MACROD2: variants seen among roughly 807,000 people sequenced by gnomAD.
MACROD2 encodes mono-ADP ribosylhydrolase 2, also known as ADP-ribose glycohydrolase MACROD2.
MACROD2 carries 36 observed loss-of-function variants against 70.4 expected under a neutral mutation model. The observed-to-expected ratio is 0.51, with a 90% confidence interval of 0.39 to 0.68. MACROD2 has a LOEUF of 0.68. MACROD2 is among the 30% of genes least tolerant of loss of function. The probability of loss-of-function intolerance (pLI) is 0.00; values close to 1 mark genes in which losing one functional copy is unlikely to be tolerated. For missense variants in MACROD2, 496 were observed against 538.4 expected, an observed-to-expected ratio of 0.92 and a Z score of 0.78; for synonymous variants, 172 against 178.8, an observed-to-expected ratio of 0.96 and a Z score of 0.30.
chr20:15,449,050 G>T (rs1197592821), intron 7 of MACROD2, among the ~76,000 whole-genome samples: 4 of 152,028 alleles, frequency 2.6e-5, no homozygotes, highest in Non-Finnish European at 5.9e-5. Context: ...ACCCTTTGAG[G>T]TACTAATTGA....
chr20:15,674,590 C>A (rs756811481), intron 8 of MACROD2, among the ~76,000 whole-genome samples: 25 of 152,062 alleles, frequency 1.6e-4, no homozygotes, highest in Non-Finnish European at 2.9e-4. Flanking sequence ...ATCATTAACA[C>A]CTTGAGTTGA....
intron 6 of MACROD2, among the ~76,000 whole-genome samples, chr20:15,346,823 G>C (rs891737850): frequency 6.6e-6 from 1 of 152,178 alleles, no homozygotes; most frequent in African/African-American, 2.4e-5. Context: ...ACCAACCACG[G>C]TGAAGTCCAG....
intron 5 of MACROD2, among the ~76,000 whole-genome samples, chr20:14,696,361 T>C (rs538350850): frequency 6.6e-6 from 1 of 152,316 alleles, no homozygotes; most frequent in South Asian, 2.1e-4. Context: ...TTTTTACTGA[T>C]AAGAATTACT....
intron 6 of MACROD2, among the ~76,000 whole-genome samples, chr20:15,327,727 G>T (rs2077946749): frequency 6.6e-6 from 1 of 152,000 alleles, no homozygotes; most frequent in South Asian, 2.1e-4. Flanking sequence ...CCCTACTTCT[G>T]CTGTTTTCTC....
At chr20:16,025,116 G>A (rs1480066656) in intron 15 of MACROD2, among the ~76,000 whole-genome samples, 1 of 152,214 alleles carries the variant, frequency 6.6e-6, no homozygotes, top group Non-Finnish European at 1.5e-5. Context: ...GTCTTTGCCT[G>A]AAAGGAAAAT....
intron 15 of MACROD2, among the ~76,000 whole-genome samples, chr20:15,997,754 C>G (rs965624791): frequency 2.6e-5 from 4 of 152,078 alleles, no homozygotes; most frequent in South Asian, 2.1e-4. Context: ...GTAGGGGCAT[C>G]TTTGTCTTGT....
chr20:14,621,737 A>T (rs1201176490), intron 4 of MACROD2: 1 of 152,152 alleles, frequency 6.6e-6, no homozygotes, highest in Non-Finnish European at 1.5e-5. Context: ...TAAAACCCCA[A>T]TCCAAATTAA....
chr20:15,164,229 G>A (rs1043692327), intron 5 of MACROD2, among the ~76,000 whole-genome samples: 9 of 151,910 alleles, frequency 5.9e-5, no homozygotes, highest in Non-Finnish European at 1.2e-4. Context: ...TAAAAATACA[G>A]CATAACAGCT....
Position 15,229,959 on chromosome 20 carries a change from G to T in MACROD2, c.438G>T (p.Gly146=), listed in dbSNP as rs1181386739. 6.2e-7 allele frequency: 1 copy of T among 1,613,338 alleles called. No homozygotes were observed. Among genetic ancestry groups the T allele is most frequent in the African/African-American group, 1.3e-5 (1 of 74,876 alleles). ...TTACAGATGTCATCCATACTGTAGGGCCAATAGCCAGGGGCCATATTAATG... is the reference window on the plus strand; with the variant it reads ...TTACAGATGTCATCCATACTGTAGGTCCAATAGCCAGGGGCCATATTAATG... The part of the protein sequence containing the change: ...LPAKYVIHTV[G]PIARGHINGS... Residue 146 remains glycine, a synonymous_variant, in exon 6 of 18, where the codon GGG becomes GGT. Coordinates refer to ENST00000684519, the MANE Select transcript of MACROD2 (RefSeq NM_001351661.2).
rs11475740 is a variant in MACROD2, at chr20:14,382,060, A to ATTTTT, written c.272-111404_272-111400dup. 1.1e-4 allele frequency among the ~76,000 whole-genome samples: 14 copies of ATTTTT among 122,496 alleles called. 1 individual carries two copies. The highest frequency in any genetic ancestry group is 4.3e-4 in the African/African-American group (14 of 32,752). 80.4% of individuals were successfully genotyped at this position (122,496 alleles called of 152,430 possible). On this transcript the variant is annotated intron_variant, in intron 3 of 17. Coordinates refer to ENST00000684519, the MANE Select transcript of MACROD2 (RefSeq NM_001351661.2). Reference sequence around the variant, plus strand: ...TACCACATATACTATAATGGGATTGATTTTTTTTTTTTTTTTTTTGAGATG... The same window carrying ATTTTT: ...TACCACATATACTATAATGGGATTGATTTTTTTTTTTTTTTTTTTTTTTTGAGATG...
At chr20:15,323,220 T>G (rs925862735) in intron 6 of MACROD2, among the ~76,000 whole-genome samples, 8 of 152,200 alleles carry the variant, frequency 5.3e-5, no homozygotes, top group Admixed American at 1.3e-4. Context: ...TGGGAATTGT[T>G]ATTCTTCACC....
At chr20:14,698,767 T>C (rs1401985295) in intron 5 of MACROD2, among the ~76,000 whole-genome samples, 1 of 149,428 alleles carries the variant, frequency 6.7e-6, no homozygotes, top group Non-Finnish European at 1.5e-5. Flanking sequence ...TAATTAAATG[T>C]AATTATTTAA....
At chr20:15,691,357 T>G (rs573096042) in intron 8 of MACROD2, among the ~76,000 whole-genome samples, 64 of 152,316 alleles carry the variant, frequency 4.2e-4, no homozygotes, top group Non-Finnish European at 6.5e-4. Flanking sequence ...CACCCACTAA[T>G]TTATTTTTTC....
chr20:16,039,391 T>C (rs1228192299), intron 15 of MACROD2, among the ~76,000 whole-genome samples: 1 of 151,976 alleles, frequency 6.6e-6, no homozygotes, highest in Non-Finnish European at 1.5e-5. Context: ...TTGTCCATTT[T>C]CCTATTAAGT....
intron 5 of MACROD2, among the ~76,000 whole-genome samples, chr20:15,199,364 C>A (rs1369950234): frequency 1.3e-5 from 2 of 151,904 alleles, no homozygotes; most frequent in African/African-American, 4.8e-5. Context: ...CTCAAAAAAA[C>A]AAAAAACAAA....
chr20:14,853,836 T>C (rs750531104), intron 5 of MACROD2, among the ~76,000 whole-genome samples: 2 of 152,078 alleles, frequency 1.3e-5, no homozygotes, highest in South Asian at 2.1e-4. Flanking sequence ...TGTTTTGTTT[T>C]GGTGCTGGAA....
chr20:14,257,076 A>C (rs1195685891), intron 3 of MACROD2, among the ~76,000 whole-genome samples: 2 of 152,188 alleles, frequency 1.3e-5, no homozygotes, highest in African/African-American at 4.8e-5. Context: ...GTCACCAAAA[A>C]CAAAATAAAA....
chr20:14,568,603 T>A (rs1979965172), intron 4 of MACROD2, among the ~76,000 whole-genome samples: 1 of 152,024 alleles, frequency 6.6e-6, no homozygotes, highest in South Asian at 2.1e-4. Flanking sequence ...AAGAAAGGTG[T>A]TTGTTCAAAC....
chr20:15,257,361 A>G (rs1427166494), intron 6 of MACROD2, among the ~76,000 whole-genome samples: 1 of 152,092 alleles, frequency 6.6e-6, no homozygotes, highest in Non-Finnish European at 1.5e-5. Flanking sequence ...CAGAGTCATG[A>G]AATTGAATTC....
Sources: gnomAD v4.1 joint callset for allele counts (sites outside exome capture counted in the v4.1 genomes callset) on GRCh38, gnomAD v4.1.1 for gene constraint, MANE v1.5 for transcripts, NCBI Gene and HGNC (gene_info 2026-07-23, HGNC 2026-07-21) for gene names.